MYBPC1: variants seen among roughly 807,000 people sequenced by gnomAD.
MYBPC1 encodes the protein myosin binding protein C1.
In MYBPC1, 52 loss-of-function variants were observed where a neutral mutation model predicts 147.1. The ratio of observed to expected loss-of-function variants is 0.35; its 90% CI spans 0.28 to 0.45. MYBPC1 has a LOEUF of 0.45. MYBPC1 is among the 20% of genes least tolerant of loss of function. The probability of loss-of-function intolerance (pLI) is 1.00; values close to 1 mark genes in which losing one functional copy is unlikely to be tolerated. For synonymous variants in MYBPC1, 477 were observed against 475.9 expected (o/e 1.00, Z -0.03); for missense variants, 1,228 against 1,440.3 (o/e 0.85, Z 2.39).
intron 1 of MYBPC1, among the ~76,000 whole-genome samples, chr12:101,614,193 C>T (rs1825710889): frequency 6.6e-6 from 1 of 152,170 alleles, no homozygotes; most frequent in African/African-American, 2.4e-5. Context: ...GTGGCAAGGA[C>T]ACTCGGATCC....
At position 101,685,754 on chromosome 12, in the gene MYBPC1, C is replaced by G. The variant is rs1951316085; in HGVS notation, c.*192C>G. ...TGGTTGAAATGAGAAAAAGCATTTT[C>G]TGTTTTCCCACCAGGCCCCCAAGTG... On this transcript the variant is annotated 3_prime_UTR_variant, in exon 32 of 32. Transcript: ENST00000361466. 1 of 1,123,424 alleles carries G rather than the reference C, an allele frequency of 8.9e-7. No individual in the cohort carries two copies. Among genetic ancestry groups the G allele is most frequent in the Middle Eastern group, 2.0e-4 (1 of 4,940 alleles). 69.6% of individuals were successfully genotyped at this position (1,123,424 alleles called of 1,614,324 possible). A position where few individuals can be genotyped will look rare whatever the true frequency, so the allele number is the denominator to read the frequency against.
the MYBPC1 span, among the ~76,000 whole-genome samples, chr12:101,693,254 C>T: frequency 1.3e-5 from 2 of 152,142 alleles, no homozygotes; most frequent in Non-Finnish European, 2.9e-5. Context: ...CCTACTTTCA[C>T]TATTTTTAAA....
rs753374083 is a variant in MYBPC1 at position 101,659,707 on chromosome 12, A to C, written c.1803A>C (p.Glu601Asp). ...IMEGSGRIRTESYPDSSTLVI... is the reference protein window; with the variant it reads ...IMEGSGRIRTDSYPDSSTLVI... ...AAGGCAGTGGCCGGATAAGAACAGA[A>C]TCTTACCCTGATAGCAGCACTCTGG... Residue 601 changes from glutamate (E) to aspartate (D), a missense_variant, in exon 19 of 32, where the codon GAA becomes GAC. Glu to Asp is a conservative substitution (Grantham distance 45). Transcript: ENST00000361466. The C allele has an allele frequency of 1.9e-6, 3 of 1,614,134 alleles. No homozygotes were observed. Among genetic ancestry groups the C allele is most frequent in the Non-Finnish European group, 2.5e-6 (3 of 1,180,002 alleles).
chr12:101,642,608 C>G, intron 11 of MYBPC1, 23 bp downstream of exon 11: 1 of 1,600,108 alleles, frequency 6.2e-7, no homozygotes. Context: ...GGGGGCGAGG[C>G]AGCGGCCGAG....
chr12:101,668,381 G>A (rs901786473), intron 23 of MYBPC1, among the ~76,000 whole-genome samples: 4 of 152,062 alleles, frequency 2.6e-5, no homozygotes, highest in East Asian at 1.9e-4. Context: ...TCAGTGCCAC[G>A]GAGCCATACT....
intron 1 of MYBPC1, among the ~76,000 whole-genome samples, chr12:101,605,526 C>T (rs575574183): frequency 6.6e-6 from 1 of 152,252 alleles, no homozygotes; most frequent in African/African-American, 2.4e-5. Flanking sequence ...ATTTGGAATA[C>T]AGTAAATATT....
chr12:101,682,216 G>T (rs1165456371), intron 29 of MYBPC1, among the ~76,000 whole-genome samples: 1 of 151,548 alleles, frequency 6.6e-6, no homozygotes, highest in Non-Finnish European at 1.5e-5. Context: ...AAAAAAAAAA[G>T]TACCACTTAT....
chr12:101,681,797 C>T (rs1486151683), intron 29 of MYBPC1, among the ~76,000 whole-genome samples: 5 of 150,410 alleles, frequency 3.3e-5, no homozygotes, highest in Admixed American at 2.0e-4. Flanking sequence ...TCAGTAAAGA[C>T]GGGTTTTTGC....
chr12:101,597,279 A>G (rs1235841565), intron 1 of MYBPC1, among the ~76,000 whole-genome samples: 1 of 152,186 alleles, frequency 6.6e-6, no homozygotes, highest in South Asian at 2.1e-4. Context: ...CCCAAAGAAC[A>G]GGCTCCTCCA....
rs117701608 is a variant in MYBPC1 at position 101,610,937 on chromosome 12, T to A, written c.26-3559T>A. On this transcript the variant is annotated intron_variant, in intron 1 of 31. Coordinates refer to ENST00000361466, the MANE Select transcript of MYBPC1 (RefSeq NM_002465.4). ...CCCTAGGCTGTGGGATCTCAAAGAG[T>A]CTCAGTTCCCACTTGCAAAATGGAG... Among the ~76,000 whole-genome samples the A allele has an allele frequency of 2.1e-3, 313 of 151,904 alleles. 11 individuals carry two copies. The East Asian group carries it at 0.052, about 25-fold the overall frequency.
At chr12:101,613,718 G>A (rs1295741136) in intron 1 of MYBPC1, among the ~76,000 whole-genome samples, 3 of 152,124 alleles carry the variant, frequency 2.0e-5, no homozygotes, top group Non-Finnish European at 2.9e-5. Context: ...ACCAGACATC[G>A]AAAGCCAGGT....
intron 2 of MYBPC1, among the ~76,000 whole-genome samples, chr12:101,616,157 A>G (rs1202121281): frequency 1.3e-5 from 2 of 152,366 alleles, no homozygotes; most frequent in Non-Finnish European, 2.9e-5. Flanking sequence ...GCTCAGTGCC[A>G]TATGAGTTCA....
chr12:101,629,197 A>G, intron 5 of MYBPC1: 1 of 503,150 alleles, frequency 2.0e-6, no homozygotes, highest in Non-Finnish European at 3.6e-6. Context: ...AAGTTCCACT[A>G]TTTCTAAGAA....
intron 24 of MYBPC1, among the ~76,000 whole-genome samples, chr12:101,672,229 C>T (rs1898891926): frequency 1.3e-5 from 2 of 152,162 alleles, no homozygotes; most frequent in Admixed American, 6.5e-5. Context: ...CATCCCCAAC[C>T]ACTCTTCAGG....
chr12:101,695,508 C>A, the MYBPC1 span, among the ~76,000 whole-genome samples: 443 of 152,230 alleles, frequency 2.9e-3, 2 homozygotes, highest in Non-Finnish European at 4.7e-3. Flanking sequence ...AAAAGTAAAA[C>A]CAGGGACAAA....
At chr12:101,613,597 C>T (rs776674943) in intron 1 of MYBPC1, among the ~76,000 whole-genome samples, 22 of 152,112 alleles carry the variant, frequency 1.4e-4, no homozygotes, top group Admixed American at 7.9e-4. Context: ...GGATTTGGCA[C>T]GGGAAATGCT....
chr12:101,655,191 G>A (rs1028311902), intron 18 of MYBPC1, among the ~76,000 whole-genome samples: 7 of 152,002 alleles, frequency 4.6e-5, no homozygotes, highest in Non-Finnish European at 7.4e-5. Context: ...GTGGAGAAAT[G>A]TTAAGCTCTC....
intron 26 of MYBPC1, among the ~76,000 whole-genome samples, chr12:101,676,364 G>A (rs187022482): frequency 9.9e-5 from 15 of 152,048 alleles, no homozygotes; most frequent in East Asian, 3.9e-4. Context: ...GCTTGAACTC[G>A]GAAGGTGGAG....
chr12:101,689,349 C>A (rs1012301993), downstream of MYBPC1, among the ~76,000 whole-genome samples: 10 of 152,162 alleles, frequency 6.6e-5, no homozygotes, highest in African/African-American at 2.2e-4. Flanking sequence ...CTGGTGACTG[C>A]AGAGATGCCT....
Sources: allele counts gnomAD v4.1 joint callset (sites outside exome capture counted in the v4.1 genomes callset), GRCh38; gene constraint gnomAD v4.1.1; transcripts MANE v1.5; gene names NCBI Gene and HGNC (gene_info 2026-07-23, HGNC 2026-07-21).